Variants in UBE2D3 observed in about 807,000 individuals in gnomAD.
The protein encoded by UBE2D3 is ubiquitin-conjugating enzyme E2 D3.
Under a neutral mutation model 22.8 loss-of-function variants are expected in UBE2D3, and 2 were observed. That is an observed-to-expected ratio of 0.09 (90% CI 0.04 to 0.28). The LOEUF is 0.28. Ranked by LOEUF, UBE2D3 falls within the 10% of genes least tolerant of loss-of-function variation. The pLI is 1.00. For missense variants in UBE2D3, 27 were observed against 182.5 expected (o/e 0.15, Z 4.91); for synonymous variants, 56 against 60.4 (o/e 0.93, Z 0.34).
chr4:102,813,241 C>T (rs1419682563), intron 2 of UBE2D3, among the ~76,000 whole-genome samples: 2 of 152,116 alleles, frequency 1.3e-5, no homozygotes, highest in African/African-American at 2.4e-5. Context: ...TATTCACAGG[C>T]GGAATCACAA....
chr4:102,866,042 G>T (rs989803161), intron 1 of UBE2D3, among the ~76,000 whole-genome samples: 5 of 152,132 alleles, frequency 3.3e-5, no homozygotes, highest in Admixed American at 1.3e-4. Context: ...AAGAAGGCAG[G>T]GTTGTGGAAA....
In UBE2D3 at chr4:102,827,547, G is replaced by A; in HGVS notation, c.-249C>T. ...CAGCCACAAGATGTCCGCTCTGACG[G>A]AACTACTGCCAGCTGCCACGCTCCG... On this transcript the variant is annotated 5_prime_UTR_variant, in exon 1 of 8. Coordinates refer to ENST00000453744, the MANE Select transcript of UBE2D3 (RefSeq NM_181891.3). 1.0e-6 allele frequency: 1 copy of A among 986,556 alleles called. No homozygotes were observed. Among genetic ancestry groups the A allele is most frequent in the Non-Finnish European group, 1.2e-6 (1 of 830,498 alleles). 61.1% of individuals were successfully genotyped at this position (986,556 alleles called of 1,614,324 possible). A position where few individuals can be genotyped will look rare whatever the true frequency, so the allele number is the denominator to read the frequency against.
At chr4:102,865,256 G>C (rs1049840781) in intron 1 of UBE2D3, among the ~76,000 whole-genome samples, 7 of 152,152 alleles carry the variant, frequency 4.6e-5, no homozygotes, top group African/African-American at 1.7e-4. Flanking sequence ...CACTTTGGGA[G>C]GCAGAGGCAG....
intron 2 of UBE2D3, 194 bp from the exon 3 acceptor site, chr4:102,810,049 G>A (rs1323911827): frequency 1.1e-5 from 6 of 550,678 alleles, no homozygotes; most frequent in South Asian, 5.9e-5. Flanking sequence ...GCTAGAGTTC[G>A]TAAAAATATA....
At chr4:102,860,374 AATTT>A (rs200198478) in intron 1 of UBE2D3, among the ~76,000 whole-genome samples, 79,612 of 147,640 alleles carry the variant, frequency 0.54, 22,190 homozygotes, top group African/African-American at 0.68. Flanking sequence ...CTAGAACTTT[AATTT>A]ATTCCTTTGG....
chr4:102,796,054 A>T lies in UBE2D3; in HGVS notation c.*1361T>A, dbSNP rs1233842017. 1 of 152,468 alleles carries T rather than the reference A, an allele frequency of 6.6e-6. No homozygotes were observed. Among genetic ancestry groups the T allele is most frequent in the African/African-American group, 2.4e-5 (1 of 41,444 alleles). 9.4% of individuals were successfully genotyped at this position (152,468 alleles called of 1,614,324 possible). A position where few individuals can be genotyped will look rare whatever the true frequency, so the allele number is the denominator to read the frequency against. The stretch of plus-strand genomic sequence containing the variant: ...GTTGCATTTAAATGCTCATTAATGT[A>T]AATGGCTGAACAAATCCATTTCAAT... On this transcript the variant is annotated 3_prime_UTR_variant, in exon 8 of 8. Transcript: ENST00000453744.
At chr4:102,825,410 G>A in intron 2 of UBE2D3, 1 of 1,044,622 alleles carries the variant, frequency 9.6e-7, no homozygotes, top group Non-Finnish European at 1.2e-6. Flanking sequence ...TAAGTTTTGA[G>A]CAGAGGATCT....
intron 5 of UBE2D3, 23 bp from the exon 6 acceptor site, chr4:102,801,582 T>C (rs545836591): frequency 1.3e-6 from 2 of 1,537,750 alleles, no homozygotes; most frequent in African/African-American, 2.8e-5. Flanking sequence ...CTTTTAAGTA[T>C]TTTATTCAAA....
intron 1 of UBE2D3, among the ~76,000 whole-genome samples, chr4:102,855,327 G>C (rs760140592): frequency 2.0e-5 from 3 of 152,208 alleles, no homozygotes; most frequent in Non-Finnish European, 4.4e-5. Context: ...CTAGACACCT[G>C]AGGAGTATGA....
At chr4:102,834,001 G>A (rs1350258153) in intron 1 of UBE2D3, among the ~76,000 whole-genome samples, 2 of 152,198 alleles carry the variant, frequency 1.3e-5, no homozygotes, top group East Asian at 3.8e-4. Context: ...GTGGTTGGTT[G>A]AAAGCTTTGA....
At chr4:102,826,430 T>G in intron 2 of UBE2D3, 55 bp downstream of exon 2, 1 of 1,609,726 alleles carries the variant, frequency 6.2e-7, no homozygotes, top group African/African-American at 1.3e-5. Context: ...GCTTTCCTCT[T>G]GGCCCGAGCC....
At chr4:102,827,734 C>A, upstream of UBE2D3, 1 of 985,984 alleles carries the variant, frequency 1.0e-6, no homozygotes, top group East Asian at 1.1e-4. Flanking sequence ...CGGAACAGCA[C>A]CTTCTTACTA....
At chr4:102,810,420 T>C (rs1727777298) in intron 2 of UBE2D3, 1 of 151,790 alleles carries the variant, frequency 6.6e-6, no homozygotes, top group Non-Finnish European at 1.5e-5. Context: ...TTGAAATTTT[T>C]TTTTTTTTTG....
intron 1 of UBE2D3, among the ~76,000 whole-genome samples, chr4:102,864,363 CAATTTATCCAGG>C (rs1419752568): frequency 1.6e-4 from 5 of 31,208 alleles, no homozygotes; most frequent in Non-Finnish European, 2.7e-4. Flanking sequence ...CTTGACTTCC[CAATTTATCCAGG>C]AATGGGCTGA....
At chr4:102,818,188 C>T (rs570162691) in intron 2 of UBE2D3, among the ~76,000 whole-genome samples, 54 of 152,282 alleles carry the variant, frequency 3.5e-4, no homozygotes, top group Non-Finnish European at 6.6e-4. Context: ...GTTCCACTCA[C>T]GTTGAAGGGA....
chr4:102,808,918 T>C (rs1289757038), intron 4 of UBE2D3: 1 of 154,902 alleles, frequency 6.5e-6, no homozygotes, highest in Non-Finnish European at 1.4e-5. Flanking sequence ...ACCTAGTACA[T>C]TATTGCTCTT....
intron 1 of UBE2D3, among the ~76,000 whole-genome samples, chr4:102,860,198 A>G (rs1055206474): frequency 9.4e-5 from 14 of 148,904 alleles, no homozygotes; most frequent in African/African-American, 3.2e-4. Context: ...TTGTTCATGT[A>G]TTGTTTTCCT....
chr4:102,829,932 G>T (rs905674124), upstream of UBE2D3, among the ~76,000 whole-genome samples: 2 of 151,994 alleles, frequency 1.3e-5, no homozygotes, highest in Non-Finnish European at 2.9e-5. Context: ...AAAAAAACAA[G>T]AACAAAAAAC....
chr4:102,868,586 T>TTAGGCACTGGGGTCTGGG, intron 1 of UBE2D3: 1 of 1,167,610 alleles, frequency 8.6e-7, no homozygotes, highest in Non-Finnish European at 1.3e-6. Context: ...AGGAGTAAAA[T>TTAGGCACTGGGGTCTGGG]TAGGCACTGG....
Sources: allele counts gnomAD v4.1 joint callset (sites outside exome capture counted in the v4.1 genomes callset), GRCh38; gene constraint gnomAD v4.1.1; transcripts MANE v1.5; gene names NCBI Gene and HGNC (gene_info 2026-07-23, HGNC 2026-07-21).